The following AKAP14 variants were observed in gnomAD, a reference collection of about 807,000 sequenced individuals.
AKAP14 encodes the protein A-kinase anchor protein 14.
Under a neutral mutation model 17.0 loss-of-function variants are expected in AKAP14, and 4 were observed. The ratio of observed to expected loss-of-function variants is 0.23; its 90% CI spans 0.12 to 0.54. The LOEUF is 0.54. AKAP14 is among the 20% of genes least tolerant of loss of function. The pLI is 0.95. For synonymous variants in AKAP14, 42 were observed against 51.3 expected (o/e 0.82, Z 0.77); for missense variants, 129 against 150.9 (o/e 0.85, Z 0.76).
rs542511896 is a variant in AKAP14 at position 119,898,384 on chromosome X, G to A, written c.-11+2117G>A. On this transcript the variant is annotated intron_variant, in intron 2 of 6. Transcript: ENST00000371431. The stretch of plus-strand genomic sequence containing the variant: ...GAACAATAGCCAACATTATTTCAGG[G>A]ATGTTCAAAGGCTGTCCCAGTGGTT... Among the ~76,000 whole-genome samples, 117 of 112,411 alleles carry A rather than the reference G, an allele frequency of 1.0e-3. 1 individual carries two copies. The highest frequency in any genetic ancestry group is 3.5e-3 in the African/African-American group (108 of 31,014).
intron 2 of AKAP14, among the ~76,000 whole-genome samples, chrX:119,898,867 A>G (rs1267931362): frequency 9.5e-6 from 1 of 105,628 alleles, no homozygotes; most frequent in Non-Finnish European, 1.9e-5. Context: ...ACTGGACTCT[A>G]GATGAAAATG....
chrX:119,898,602 C>G (rs1198999482), intron 2 of AKAP14, among the ~76,000 whole-genome samples: 1 of 109,186 alleles, frequency 9.2e-6, no homozygotes, highest in African/African-American at 3.3e-5. Flanking sequence ...TCAAGACCAG[C>G]CTGGCCAACA....
chrX:119,903,495 A>T lies in AKAP14; in HGVS notation c.170A>T (p.Glu57Val). ...VINYAVKIVE[E>V]ERNPLKNIKW... Reference sequence around the variant, plus strand: ...ACGAACTCACACCTTTTTTTTGCAGAGGAGCGAAACCCTTTGAAAAACATC... The same window carrying T: ...ACGAACTCACACCTTTTTTTTGCAGTGGAGCGAAACCCTTTGAAAAACATC... Residue 57 changes from glutamate (E) to valine (V), a missense_variant and splice_region_variant, in exon 4 of 7, where the codon GAG becomes GTG. By Grantham distance (121) the Glu-to-Val change is moderately radical. Transcript: ENST00000371431. 8.3e-7 allele frequency: 1 copy of T among 1,211,564 alleles called. No individual in the cohort carries two copies. Among genetic ancestry groups the T allele is most frequent in the Non-Finnish European group, 1.1e-6 (1 of 895,460 alleles).
intron 5 of AKAP14, among the ~76,000 whole-genome samples, chrX:119,916,172 C>A (rs1228824391): frequency 9.2e-6 from 1 of 108,630 alleles, no homozygotes; most frequent in Non-Finnish European, 1.9e-5. Context: ...GCTTCTCAAA[C>A]TTCTCTCTCT....
chrX:119,919,828 A>T (rs987712643), intron 5 of AKAP14, 83 bp from the exon 6 acceptor site: 4 of 1,033,311 alleles, frequency 3.9e-6, no homozygotes, highest in African/African-American at 3.7e-5. Context: ...CCTGGGAGAC[A>T]GAGCAAGAAG....
At chrX:119,900,054 G>A (rs2056555586) in intron 2 of AKAP14, among the ~76,000 whole-genome samples, 2 of 110,445 alleles carry the variant, frequency 1.8e-5, no homozygotes, top group Non-Finnish European at 1.9e-5. Context: ...TCAGCCTCAC[G>A]AGTAGCTGGG....
chrX:119,920,133 A>G (rs2056680790), intron 6 of AKAP14, among the ~76,000 whole-genome samples, 170 bp downstream of exon 6: 1 of 111,446 alleles, frequency 9.0e-6, no homozygotes, highest in South Asian at 3.8e-4. Flanking sequence ...TATTTTTCTT[A>G]GTGTCTGGTT....
chrX:119,904,878 C>G (rs926192654), intron 4 of AKAP14, among the ~76,000 whole-genome samples: 4 of 97,992 alleles, frequency 4.1e-5, no homozygotes, highest in African/African-American at 1.8e-4. Context: ...GAGCAAGACT[C>G]CGTCTCAAAA....
At chrX:119,915,776 G>A in intron 5 of AKAP14, among the ~76,000 whole-genome samples, 1 of 110,062 alleles carries the variant, frequency 9.1e-6, no homozygotes, top group Non-Finnish European at 1.9e-5. Context: ...AAAGTGCTGG[G>A]ATTACAGGCT....
intron 4 of AKAP14, among the ~76,000 whole-genome samples, chrX:119,912,355 G>A (rs1249425057): frequency 9.0e-6 from 1 of 111,388 alleles, no homozygotes; most frequent in Non-Finnish European, 1.9e-5. Flanking sequence ...AGTCTAGATG[G>A]GTTATTGCCT....
rs1460297415 is a variant in AKAP14, at chrX:119,919,923, G to T, written c.454G>T (p.Val152Phe). 23 of 1,210,434 alleles carry T rather than the reference G, an allele frequency of 1.9e-5. 1 individual carries two copies. Among genetic ancestry groups the T allele is most frequent in the Non-Finnish European group, 2.6e-5 (23 of 894,531 alleles). Residue 152 changes from valine to phenylalanine, a missense_variant, in exon 6 of 7, where the codon GTT becomes TTT. Val to Phe is a conservative substitution (Grantham distance 50). Transcript: ENST00000371431. ...SKTKPPDAPIVVSYVGDHQAL... is the reference protein window; with the variant it reads ...SKTKPPDAPIFVSYVGDHQAL... ...TTCTCTTTTTTAGGATGCACCCATT[G>T]TTGTTTCTTATGTAGGTGACCACCA...
At chrX:119,917,173 T>C (rs1453466223) in intron 5 of AKAP14, among the ~76,000 whole-genome samples, 1 of 108,796 alleles carries the variant, frequency 9.2e-6, no homozygotes, top group Non-Finnish European at 1.9e-5. Flanking sequence ...TTTCCAAAAG[T>C]GCTTCTCAAA....
chrX:119,902,504 G>A (rs2056572436), intron 2 of AKAP14, among the ~76,000 whole-genome samples: 1 of 110,991 alleles, frequency 9.0e-6, no homozygotes. Context: ...TGAGATTACA[G>A]GCACATGCCA....
intron 2 of AKAP14, among the ~76,000 whole-genome samples, chrX:119,901,735 C>T (rs1043610317): frequency 8.1e-5 from 8 of 98,235 alleles, no homozygotes; most frequent in Admixed American, 2.3e-4. Context: ...TCTTAGCCGG[C>T]GCGCTGGCTC....
chrX:119,902,983 G>C (rs933163302), intron 2 of AKAP14, among the ~76,000 whole-genome samples: 1 of 112,190 alleles, frequency 8.9e-6, no homozygotes, highest in South Asian at 3.7e-4. Context: ...GAGCCACCGC[G>C]CCGGGCCTCA....
intron 4 of AKAP14, among the ~76,000 whole-genome samples, chrX:119,909,745 C>T (rs1329182996): frequency 9.8e-6 from 1 of 102,445 alleles, no homozygotes; most frequent in Non-Finnish European, 2.0e-5. Flanking sequence ...ATTAGCTGGG[C>T]GTGGTGGTGA....
At chrX:119,915,563 T>G in intron 5 of AKAP14, among the ~76,000 whole-genome samples, 1 of 112,093 alleles carries the variant, frequency 8.9e-6, no homozygotes, top group South Asian at 3.7e-4. Flanking sequence ...TGGAGTGCAG[T>G]GGCACGATCT....
intron 4 of AKAP14, among the ~76,000 whole-genome samples, chrX:119,906,225 C>CTA (rs2056596207): frequency 2.0e-5 from 1 of 50,887 alleles, no homozygotes; most frequent in African/African-American, 8.8e-5. Flanking sequence ...CCTGGCATTT[C>CTA]TTTTTTTTTT....
At chrX:119,896,812 TC>T (rs57475532) in intron 2 of AKAP14, among the ~76,000 whole-genome samples, 37,278 of 80,709 alleles carry the variant, frequency 0.46, 7,292 homozygotes, top group East Asian at 0.62. Flanking sequence ...TTTCTTTTTT[TC>T]TTTTTTTTTT....
Sources: allele counts gnomAD v4.1 joint callset (sites outside exome capture counted in the v4.1 genomes callset), GRCh38; gene constraint gnomAD v4.1.1; transcripts MANE v1.5; gene names NCBI Gene and HGNC (gene_info 2026-07-23, HGNC 2026-07-21).